Variants in MTMR7 observed in about 807,000 individuals in gnomAD.
MTMR7 encodes phosphatidylinositol-3-phosphate phosphatase MTMR7.
Under a neutral mutation model 81.2 loss-of-function variants are expected in MTMR7, and 76 were observed. That is an observed-to-expected ratio of 0.94 (90% CI 0.78 to 1.13). The LOEUF (loss-of-function observed/expected upper bound fraction) is 1.13. Among genes scored for constraint, MTMR7 ranks in the 50% most tolerant of loss-of-function variants. The pLI is 0.00. For missense variants in MTMR7, 1,044 were observed against 820.0 expected (o/e 1.27, Z -3.34); for synonymous variants, 372 against 289.8 (o/e 1.28, Z -2.88).
At chr8:17,402,693 G>A (rs759868007) in intron 1 of MTMR7, among the ~76,000 whole-genome samples, 19 of 152,180 alleles carry the variant, frequency 1.2e-4, no homozygotes, top group Non-Finnish European at 2.1e-4. Context: ...TCCAAATCTC[G>A]ACTTCTGTGA....
chr8:17,401,849 C>G (rs1352444393), intron 1 of MTMR7, among the ~76,000 whole-genome samples: 1 of 151,978 alleles, frequency 6.6e-6, no homozygotes, highest in Non-Finnish European at 1.5e-5. Context: ...ATTGAGGTAC[C>G]TATTAGATAT....
chr8:17,336,860 T>C (rs1819256538), intron 6 of MTMR7, among the ~76,000 whole-genome samples: 2 of 152,134 alleles, frequency 1.3e-5, no homozygotes, highest in South Asian at 2.1e-4. Context: ...GAAACGAGGC[T>C]CTGCTGGAGA....
At chr8:17,313,271 A>G in intron 8 of MTMR7, 21 bp downstream of exon 8, 4 of 1,566,870 alleles carry the variant, frequency 2.6e-6, no homozygotes, top group Non-Finnish European at 3.5e-6. Flanking sequence ...CCCTTAATTT[A>G]TTTTCTCTGC....
intron 1 of MTMR7, among the ~76,000 whole-genome samples, chr8:17,406,672 G>A (rs141340211): frequency 5.3e-5 from 8 of 152,106 alleles, no homozygotes; most frequent in Middle Eastern, 3.4e-3. Context: ...ACAAACATAC[G>A]TCCACACAAA....
chr8:17,408,119 G>GAC (rs1332467225), intron 1 of MTMR7, among the ~76,000 whole-genome samples: 21 of 88,000 alleles, frequency 2.4e-4, no homozygotes, highest in East Asian at 5.7e-4. Flanking sequence ...GGCCGGGCGC[G>GAC]GTGGCTCACG....
chr8:17,355,343 G>T (rs35902092), intron 4 of MTMR7, among the ~76,000 whole-genome samples: 14,389 of 152,110 alleles, frequency 0.095, 953 homozygotes, highest in Non-Finnish European at 0.15. Context: ...TAACTTTATG[G>T]TTGTTAAATT....
chr8:17,303,646 G>A (rs376932096), intron 12 of MTMR7, among the ~76,000 whole-genome samples: 3 of 141,356 alleles, frequency 2.1e-5, no homozygotes, highest in East Asian at 2.0e-4. Flanking sequence ...TTTTGCTCTT[G>A]TTGCCCAGGC....
At chr8:17,343,974 T>A (rs927616432) in intron 5 of MTMR7, among the ~76,000 whole-genome samples, 1 of 152,220 alleles carries the variant, frequency 6.6e-6, no homozygotes, top group African/African-American at 2.4e-5. Context: ...CCGGAAGGGA[T>A]AGCGCTCATT....
At position 17,299,605 on chromosome 8, in the gene MTMR7, G is replaced by A. The variant is rs1384701408; in HGVS notation, c.*257C>T. 2 of 467,816 alleles carry A rather than the reference G, an allele frequency of 4.3e-6. No individual in the cohort carries two copies. Among genetic ancestry groups the A allele is most frequent in the Non-Finnish European group, 7.7e-6 (2 of 259,848 alleles). The allele number at this position is 467,816 out of a possible 1,614,324, so 29.0% of individuals were successfully genotyped here. ...TAATGACAGAAGTAATTGCTCTGCA[G>A]TGAATATAATTTTCATAGTCTAGGG... On this transcript the variant is annotated 3_prime_UTR_variant, in exon 14 of 14. Coordinates refer to ENST00000180173, the MANE Select transcript of MTMR7 (RefSeq NM_004686.5).
At chr8:17,310,364 A>C (rs2285273) in intron 9 of MTMR7, among the ~76,000 whole-genome samples, 44,975 of 152,052 alleles carry the variant, frequency 0.3, 8,368 homozygotes, top group African/African-American at 0.52. Flanking sequence ...CAATGCTTTA[A>C]AGTGGCCAGA....
In MTMR7 at chr8:17,371,185, C is replaced by T; in HGVS notation, c.162G>A (p.Gln54=). Residue 54 remains glutamine (Q), a synonymous_variant, in exon 3 of 14, where the codon CAG becomes CAA. Coordinates refer to ENST00000180173, the MANE Select transcript of MTMR7 (RefSeq NM_004686.5). ...TTGCCTGTTTCTCAATGGTGGAAATCTGACTGTGAAGAATCTAGAACCAAA... is the reference window on the plus strand; with the variant it reads ...TTGCCTGTTTCTCAATGGTGGAAATTTGACTGTGAAGAATCTAGAACCAAA... The part of the protein sequence containing the change: ...PRKETWILHS[Q]ISTIEKQATT... 6.2e-7 allele frequency: 1 copy of T among 1,614,080 alleles called. No individual in the cohort carries two copies. The highest frequency in any genetic ancestry group is 8.5e-7 in the Non-Finnish European group (1 of 1,180,006).
intron 1 of MTMR7, among the ~76,000 whole-genome samples, chr8:17,380,575 A>G (rs867188453): frequency 1.4e-5 from 2 of 147,320 alleles, no homozygotes; most frequent in African/African-American, 4.9e-5. Flanking sequence ...ATGAGCTTAA[A>G]AAAAAAAAAA....
chr8:17,360,753 C>T (rs772090622), intron 4 of MTMR7, among the ~76,000 whole-genome samples: 6 of 152,022 alleles, frequency 3.9e-5, no homozygotes, highest in Non-Finnish European at 7.4e-5. Flanking sequence ...CCTTCAGAGT[C>T]TCCCTGACTT....
chr8:17,378,139 G>A (rs987515877), intron 1 of MTMR7, among the ~76,000 whole-genome samples: 1 of 152,194 alleles, frequency 6.6e-6, no homozygotes, highest in Non-Finnish European at 1.5e-5. Flanking sequence ...AACTTTGGAT[G>A]CTGCTGCAGG....
intron 3 of MTMR7, among the ~76,000 whole-genome samples, chr8:17,368,251 G>A (rs997815257): frequency 9.2e-5 from 14 of 152,120 alleles, no homozygotes; most frequent in African/African-American, 2.2e-4. Flanking sequence ...TTGCACGCCC[G>A]CCACTCACCT....
chr8:17,387,658 C>G (rs1192341997), intron 1 of MTMR7, among the ~76,000 whole-genome samples: 2 of 152,178 alleles, frequency 1.3e-5, no homozygotes, highest in African/African-American at 4.8e-5. Context: ...ATGGGAGGTA[C>G]TTGGGGTACT....
intron 1 of MTMR7, among the ~76,000 whole-genome samples, chr8:17,389,967 T>G (rs1385489223): frequency 6.6e-6 from 1 of 151,504 alleles, no homozygotes; most frequent in Non-Finnish European, 1.5e-5. Flanking sequence ...AGACATAGAG[T>G]GTTCTGAGTG....
At chr8:17,340,702 GA>G (rs1819383459) in intron 6 of MTMR7, among the ~76,000 whole-genome samples, 1 of 150,722 alleles carries the variant, frequency 6.6e-6, no homozygotes, top group Non-Finnish European at 1.5e-5. Context: ...TCTTAAATTA[GA>G]AAACTAATAA....
intron 7 of MTMR7, among the ~76,000 whole-genome samples, chr8:17,320,850 G>A (rs1251593973): frequency 6.6e-6 from 1 of 152,178 alleles, no homozygotes; most frequent in Admixed American, 6.5e-5. Context: ...ACCACTCCCT[G>A]GGCGCCTGCT....
Sources: gnomAD v4.1 joint callset for allele counts (sites outside exome capture counted in the v4.1 genomes callset) on GRCh38, gnomAD v4.1.1 for gene constraint, MANE v1.5 for transcripts, NCBI Gene and HGNC (gene_info 2026-07-23, HGNC 2026-07-21) for gene names.